FOCAD: variants seen among roughly 807,000 people sequenced by gnomAD.
FOCAD encodes focadhesin.
FOCAD carries 198 observed loss-of-function variants against 225.6 expected under a neutral mutation model. The observed-to-expected ratio is 0.88, with a 90% CI of 0.78 to 0.99. The LOEUF (loss-of-function observed/expected upper bound fraction) is 0.99. Ranked by LOEUF, FOCAD falls within the 50% of genes least tolerant of loss-of-function variation. The probability of loss-of-function intolerance (pLI) is 0.00; values close to 1 mark genes in which losing one functional copy is unlikely to be tolerated. For synonymous variants in FOCAD, 897 were observed against 755.0 expected, an observed-to-expected ratio of 1.19 and a Z score of -3.08; for missense variants, 2,713 against 2,123.6, an observed-to-expected ratio of 1.28 and a Z score of -5.46.
chr9:20,729,805 A>G (rs963783578), intron 4 of FOCAD, among the ~76,000 whole-genome samples: 1 of 152,162 alleles, frequency 6.6e-6, no homozygotes, highest in African/African-American at 2.4e-5. Context: ...CAAGTGACTA[A>G]TACTAGATCT....
At chr9:20,706,987 A>G (rs1824442495) in intron 1 of FOCAD, among the ~76,000 whole-genome samples, 1 of 152,228 alleles carries the variant, frequency 6.6e-6, no homozygotes, top group South Asian at 2.1e-4. Flanking sequence ...CAGCCTGGAA[A>G]TGGCATGTCA....
intron 1 of FOCAD, among the ~76,000 whole-genome samples, chr9:20,698,072 TAAAA>T (rs1431477585): frequency 2.0e-5 from 3 of 152,252 alleles, no homozygotes; most frequent in African/African-American, 7.2e-5. Context: ...TAGAGAATGA[TAAAA>T]AACCATGGTT....
rs565834001 is a variant in FOCAD at position 20,868,962 on chromosome 9, A to C, written c.2190+1950A>C. Among the ~76,000 whole-genome samples, 3 of 152,266 alleles carry C rather than the reference A, an allele frequency of 2.0e-5. No homozygotes were observed. The East Asian group carries it at 5.8e-4, about 29-fold the overall frequency. On this transcript the variant is annotated intron_variant, in intron 18 of 43. Coordinates refer to ENST00000338382, the MANE Select transcript of FOCAD (RefSeq NM_001375567.1). ...TACATTTCAGTTTGGCTGTTCGAAC[A>C]CCTAAAGACTAAAAGTCCAGAAAGT...
chr9:20,923,508 T>C (rs1834645170), intron 24 of FOCAD, 152 bp from the exon 25 acceptor site: 2 of 583,142 alleles, frequency 3.4e-6, no homozygotes, highest in South Asian at 2.4e-5. Context: ...AAAGAAACTG[T>C]TGGCCTAACA....
chr9:20,871,832 A>G (rs1170390520), intron 18 of FOCAD, among the ~76,000 whole-genome samples: 10 of 150,004 alleles, frequency 6.7e-5, no homozygotes, highest in Admixed American at 1.3e-4. Flanking sequence ...TGGGTGCAGC[A>G]CACCAGCATG....
chr9:20,957,849 G>A (rs1838345691), intron 35 of FOCAD, among the ~76,000 whole-genome samples: 1 of 151,668 alleles, frequency 6.6e-6, no homozygotes, highest in Non-Finnish European at 1.5e-5. Flanking sequence ...GCTCTCTTCT[G>A]CTACAGCTTT....
chr9:20,871,999 T>C (rs753843107), intron 18 of FOCAD, among the ~76,000 whole-genome samples: 1 of 151,448 alleles, frequency 6.6e-6, no homozygotes, highest in Non-Finnish European at 1.5e-5. Flanking sequence ...AAATAATAAG[T>C]GCTAATTTGT....
At chr9:20,656,203 G>C, upstream of FOCAD, among the ~76,000 whole-genome samples, 1 of 149,872 alleles carries the variant, frequency 6.7e-6, no homozygotes, top group Non-Finnish European at 1.5e-5. Context: ...CCAAGTATGT[G>C]GTCAATTTTG....
At chr9:20,686,737 A>G (rs1822694390) in intron 1 of FOCAD, among the ~76,000 whole-genome samples, 1 of 152,200 alleles carries the variant, frequency 6.6e-6, no homozygotes, top group Admixed American at 6.5e-5. Context: ...GATGCATGGT[A>G]TAATAAAGTA....
chr9:20,681,603 T>A (rs2131300014), upstream of FOCAD, among the ~76,000 whole-genome samples: 1 of 152,322 alleles, frequency 6.6e-6, no homozygotes, highest in South Asian at 2.1e-4. Flanking sequence ...ATCTCTCTAG[T>A]CTTGTCAAAA....
At chr9:20,796,386 G>C (rs1217328848) in intron 11 of FOCAD, among the ~76,000 whole-genome samples, 3 of 152,272 alleles carry the variant, frequency 2.0e-5, no homozygotes, top group South Asian at 4.1e-4. Context: ...TGAGGAATCA[G>C]CACACTGACT....
Position 20,676,440 on chromosome 9 carries a change from T to A in FOCAD, c.-78+17614T>A, listed in dbSNP as rs377754197. Among the ~76,000 whole-genome samples the A allele has an allele frequency of 4.8e-4, 73 of 152,300 alleles. 3 individuals are homozygous for A. In the South Asian group the frequency reaches 0.015, roughly 31 times the overall value. ...ACATGAGTGGCTTTGAAAATTAGCT[T>A]GTGTGGCAGACTTCATCATGTTTCT... On this transcript the variant is annotated intron_variant, in intron 2 of 45. Coordinates refer to the FOCAD transcript ENST00000380249.
chr9:20,967,655 G>A (rs1839386809), intron 35 of FOCAD, among the ~76,000 whole-genome samples: 3 of 152,144 alleles, frequency 2.0e-5, no homozygotes, highest in African/African-American at 4.8e-5. Flanking sequence ...TCTTTATCAT[G>A]TTAACATAGT....
intron 5 of FOCAD, among the ~76,000 whole-genome samples, chr9:20,752,632 G>A (rs567056438): frequency 6.6e-6 from 1 of 151,974 alleles, no homozygotes; most frequent in East Asian, 1.9e-4. Flanking sequence ...GGATTGACTC[G>A]GCGATGCGGG....
intron 35 of FOCAD, among the ~76,000 whole-genome samples, chr9:20,956,533 A>G (rs893951477): frequency 3.3e-5 from 5 of 152,268 alleles, no homozygotes; most frequent in Admixed American, 2.0e-4. Context: ...CATAAAATGT[A>G]TATTATTTTA....
chr9:20,671,515 C>T (rs1170141421), intron 2 of FOCAD, among the ~76,000 whole-genome samples: 2 of 152,092 alleles, frequency 1.3e-5, no homozygotes, highest in African/African-American at 2.4e-5. Context: ...AGCAGAATAT[C>T]TGTGTGTATA....
At chr9:20,912,978 C>T in intron 23 of FOCAD, 24 bp downstream of exon 23, 1 of 1,581,598 alleles carries the variant, frequency 6.3e-7, no homozygotes, top group Non-Finnish European at 8.7e-7. Flanking sequence ...TTCAGCTGCC[C>T]ATTATTTGTC....
chr9:20,801,387 A>G (rs760934751), intron 11 of FOCAD, among the ~76,000 whole-genome samples: 6 of 152,106 alleles, frequency 3.9e-5, no homozygotes, highest in Non-Finnish European at 5.9e-5. Context: ...TATGTGTGTA[A>G]TTAGGGCTGG....
At chr9:20,786,911 C>A in intron 10 of FOCAD, 1 of 362,124 alleles carries the variant, frequency 2.8e-6, no homozygotes, top group South Asian at 2.3e-5. Flanking sequence ...ACTTCCTCCT[C>A]TAAAAGCAAA....
Sources: gnomAD v4.1 joint callset for allele counts (sites outside exome capture counted in the v4.1 genomes callset) on GRCh38, gnomAD v4.1.1 for gene constraint, MANE v1.5 for transcripts, NCBI Gene and HGNC (gene_info 2026-07-23, HGNC 2026-07-21) for gene names.